TAF10: variants seen among roughly 807,000 people sequenced by gnomAD.
TAF10 encodes the protein transcription initiation factor TFIID subunit 10.
A neutral mutation model predicts 18.1 loss-of-function variants in TAF10; 2 were observed. The observed-to-expected ratio is 0.11, with a 90% confidence interval of 0.05 to 0.35. The LOEUF (loss-of-function observed/expected upper bound fraction) is 0.35. Among genes scored for constraint, TAF10 ranks in the 10% least tolerant of loss-of-function variants. The pLI, the probability that TAF10 is intolerant of heterozygous loss-of-function variation, is 1.00. For synonymous variants in TAF10, 158 were observed against 134.6 expected (o/e 1.17, Z -1.20); for missense variants, 293 against 306.9 (o/e 0.95, Z 0.34).
chr11:6,611,371 G>A lies in TAF10; in HGVS notation c.452+17C>T. ...CTGCACAAGCACCCAAAACTAACCTGCCCTGGGTTTACTCACATGCGTGGG... is the reference window on the plus strand; with the variant it reads ...CTGCACAAGCACCCAAAACTAACCTACCCTGGGTTTACTCACATGCGTGGG... On this transcript the variant is annotated intron_variant, in intron 3 of 4. Coordinates refer to ENST00000299424, the MANE Select transcript of TAF10 (RefSeq NM_006284.4). 1 of 1,614,146 alleles carries A rather than the reference G, an allele frequency of 6.2e-7. No individual in the cohort carries two copies. The highest frequency in any genetic ancestry group is 1.1e-5 in the South Asian group (1 of 91,082).
chr11:6,611,948 C>G lies in TAF10; in HGVS notation c.232+10G>C, dbSNP rs142033241. 82 of 1,573,984 alleles carry G rather than the reference C, an allele frequency of 5.2e-5. No homozygotes were observed. The East Asian group carries it at 1.9e-3, about 36-fold the overall frequency. On this transcript the variant is annotated intron_variant, in intron 1 of 4. Coordinates refer to ENST00000299424, the MANE Select transcript of TAF10 (RefSeq NM_006284.4). ...ACGCTTCCCTCGCCCTCACCCGTCC[C>G]GGCCCTCACCCGCCCCACGCCGCTC...
Position 6,610,224 on chromosome 11 carries a change from G to T in TAF10, c.*698C>A, listed in dbSNP as rs746227206. On this transcript the variant is annotated 3_prime_UTR_variant, in exon 5 of 5. Transcript: ENST00000299424. ...GTTTTGCAGTGCTTCTGTGGGAACT[G>T]GTGACACGGGAGGTACCCTTTGCTG... 6.2e-7 allele frequency: 1 copy of T among 1,614,212 alleles called. No homozygotes were observed. Among genetic ancestry groups the T allele is most frequent in the Non-Finnish European group, 8.5e-7 (1 of 1,180,032 alleles).
chr11:6,608,580 GTAC>G lies in TAF10; in HGVS notation c.*2339_*2341del. On this transcript the variant is annotated 3_prime_UTR_variant, in exon 5 of 5. Transcript: ENST00000299424. This position sits in a 1 kb window ranked among gnomAD's most constrained non-coding sequence, Gnocchi z 4.9. The stretch of plus-strand genomic sequence containing the variant: ...TTGGAACCCTCAACCCATTCTGTCA[GTAC>G]TACTGTGTGACACTTACAGGATTAA... The G allele has an allele frequency of 1.5e-6, 2 of 1,333,180 alleles. No individual in the cohort carries two copies. Among genetic ancestry groups the G allele is most frequent in the South Asian group, 1.2e-5 (1 of 85,398 alleles). The allele number at this position is 1,333,180 out of a possible 1,614,324, so 82.6% of individuals were successfully genotyped here.
Position 6,607,707 on chromosome 11 carries a change from T to G in TAF10, c.*3215A>C. ...ACAAGTGCTGAAGTAGGGGGACATA[T>G]AAGATGTGGTGGAAAACAGAAAGGA... On this transcript the variant is annotated 3_prime_UTR_variant, in exon 5 of 5. Transcript: ENST00000299424. 1 of 362,272 alleles carries G rather than the reference T, an allele frequency of 2.8e-6. No individual in the cohort carries two copies. The highest frequency in any genetic ancestry group is 5.3e-6 in the Non-Finnish European group (1 of 189,264). The allele number at this position is 362,272 out of a possible 1,614,324, so 22.4% of individuals were successfully genotyped here.
rs769692488 is a variant in TAF10, at chr11:6,608,866, G to C, written c.*2056C>G. ...CTTCTCCCTCTGTACCACAGCTTAG[G>C]TTGTTTTTCTTCCCTAGAGCGGGCA... is the stretch of plus-strand genomic sequence containing the variant. On this transcript the variant is annotated 3_prime_UTR_variant, in exon 5 of 5. Coordinates refer to ENST00000299424, the MANE Select transcript of TAF10 (RefSeq NM_006284.4). This position sits in a 1 kb window ranked among gnomAD's most constrained non-coding sequence, Gnocchi z 4.9. 2.5e-6 allele frequency: 4 copies of C among 1,613,878 alleles called. No individual in the cohort carries two copies. In the East Asian group the frequency reaches 8.9e-5, roughly 36 times the overall value.
chr11:6,609,229 T>G lies in TAF10; in HGVS notation c.*1693A>C. On this transcript the variant is annotated 3_prime_UTR_variant, in exon 5 of 5. Coordinates refer to ENST00000299424, the MANE Select transcript of TAF10 (RefSeq NM_006284.4). ...ACTTGCTTTGTACCTGTTTTAAGTTTTTCCTCCAGTTAGTGGGCAAGGAAG... is the reference window on the plus strand; with the variant it reads ...ACTTGCTTTGTACCTGTTTTAAGTTGTTCCTCCAGTTAGTGGGCAAGGAAG... 1 of 1,602,852 alleles carries G rather than the reference T, an allele frequency of 6.2e-7. No homozygotes were observed. Among genetic ancestry groups the G allele is most frequent in the Non-Finnish European group, 8.5e-7 (1 of 1,169,904 alleles).
At position 6,608,472 on chromosome 11, in the gene TAF10, C is replaced by G. The variant is rs1046377574; in HGVS notation, c.*2450G>C. ...CCTGCACTATGCCTGTTTTTGGGGC[C>G]AAGATCAAGTGGCAGAGGTGAGTAC... On this transcript the variant is annotated 3_prime_UTR_variant, in exon 5 of 5. Transcript: ENST00000299424. The surrounding 1 kb of genome is among the most constrained non-coding windows in gnomAD (Gnocchi z 4.9). 1 of 1,613,710 alleles carries G rather than the reference C, an allele frequency of 6.2e-7. No individual in the cohort carries two copies. Among genetic ancestry groups the G allele is most frequent in the Non-Finnish European group, 8.5e-7 (1 of 1,179,590 alleles).
Position 6,612,191 on chromosome 11 carries a change from G to C in TAF10, c.-2C>G, listed in dbSNP as rs191153660. ...CGCGCCGGAGCCGCTGCAGCTCATCGGGCCGGTGGGAGAGGCGGCGAACAG... is the reference window on the plus strand; with the variant it reads ...CGCGCCGGAGCCGCTGCAGCTCATCCGGCCGGTGGGAGAGGCGGCGAACAG... On this transcript the variant is annotated 5_prime_UTR_variant, in exon 1 of 5. Transcript: ENST00000299424. The C allele has an allele frequency of 2.4e-5, 30 of 1,229,726 alleles. No individual in the cohort carries two copies. The highest frequency in any genetic ancestry group is 3.3e-4 in the Middle Eastern group (1 of 3,072). The allele number at this position is 1,229,726 out of a possible 1,614,324, so 76.2% of individuals were successfully genotyped here. A position where few individuals can be genotyped will look rare whatever the true frequency, so the allele number is the denominator to read the frequency against.
chr11:6,612,104 G>A lies in TAF10; in HGVS notation c.86C>T (p.Ala29Val), dbSNP rs1855482089. Residue 29 changes from alanine (A) to valine (V), a missense_variant, in exon 1 of 5, where the codon GCT becomes GTT. Physicochemically the swap from Ala to Val is moderately conservative, Grantham distance 64 (BLOSUM62 0). Transcript: ENST00000299424. ...SAPGPAPPVS[A>V]PAALPSSTAA... is the part of the protein sequence containing the mutation. Reference sequence around the variant, plus strand: ...GGTGCTGGAGGGCAGCGCGGCGGGAGCCGAGACCGGGGGCGCGGGGCCCGG... The same window carrying A: ...GGTGCTGGAGGGCAGCGCGGCGGGAACCGAGACCGGGGGCGCGGGGCCCGG... 8.2e-7 allele frequency: 1 copy of A among 1,223,420 alleles called. No individual in the cohort carries two copies. Among genetic ancestry groups the A allele is most frequent in the Admixed American group, 4.3e-5 (1 of 23,084 alleles). The allele number at this position is 1,223,420 out of a possible 1,614,324, so 75.8% of individuals were successfully genotyped here.
Position 6,606,388 on chromosome 11 carries a change from C to T in TAF10, c.*4534G>A, listed in dbSNP as rs1013430253. The T allele has an allele frequency of 1.2e-4, 18 of 152,198 alleles. No homozygotes were observed. Among genetic ancestry groups the T allele is most frequent in the Admixed American group, 1.1e-3 (17 of 15,278 alleles). The allele number at this position is 152,198 out of a possible 1,614,324, so 9.4% of individuals were successfully genotyped here. A position where few individuals can be genotyped will look rare whatever the true frequency, so the allele number is the denominator to read the frequency against. On this transcript the variant is annotated 3_prime_UTR_variant, in exon 5 of 5. Transcript: ENST00000299424. ...ACCTGTCATCTTAGTCTAGACTTCACTGGTTCCCATTAGGTTCTACACTAT... is the reference window on the plus strand; with the variant it reads ...ACCTGTCATCTTAGTCTAGACTTCATTGGTTCCCATTAGGTTCTACACTAT...
rs764104201 is a variant in TAF10, at chr11:6,608,475, G to T, written c.*2447C>A. On this transcript the variant is annotated 3_prime_UTR_variant, in exon 5 of 5. Transcript: ENST00000299424. This position sits in a 1 kb window ranked among gnomAD's most constrained non-coding sequence, Gnocchi z 4.9. ...GCACTATGCCTGTTTTTGGGGCCAA[G>T]ATCAAGTGGCAGAGGTGAGTACTCA... The T allele has an allele frequency of 3.4e-5, 55 of 1,613,750 alleles. No individual in the cohort carries two copies. The highest frequency in any genetic ancestry group is 1.5e-4 in the Admixed American group (9 of 60,036).
chr11:6,609,908 C>G lies in TAF10; in HGVS notation c.*1014G>C. ...AGCCCTTTGCCTATCTATGACTTAC[C>G]TCCTTCTATCTGTTTTCTCTTCCTC... On this transcript the variant is annotated 3_prime_UTR_variant, in exon 5 of 5. Coordinates refer to ENST00000299424, the MANE Select transcript of TAF10 (RefSeq NM_006284.4). 1.2e-6 allele frequency: 2 copies of G among 1,614,174 alleles called. No homozygotes were observed. The highest frequency in any genetic ancestry group is 1.1e-5 in the South Asian group (1 of 91,084).
In TAF10 at chr11:6,611,309, G is replaced by A. The variant is rs1265187723; in HGVS notation, c.453-6C>T. On this transcript the variant is annotated splice_polypyrimidine_tract_variant and splice_region_variant and intron_variant, in intron 3 of 4. Coordinates refer to ENST00000299424, the MANE Select transcript of TAF10 (RefSeq NM_006284.4). ...CTAAGGAGATGAGCCGAATTCTAGA[G>A]AGAAAAAACTTAGATGAGAAGGAGA... 1 of 1,614,074 alleles carries A rather than the reference G, an allele frequency of 6.2e-7. No homozygotes were observed.
chr11:6,610,108 C>A lies in TAF10; in HGVS notation c.*814G>T. On this transcript the variant is annotated 3_prime_UTR_variant, in exon 5 of 5. Coordinates refer to ENST00000299424, the MANE Select transcript of TAF10 (RefSeq NM_006284.4). ...GTAGTGGAAGGGGGCAGAGACAGGACAGGCAAGGGGGCCAGAACAGACAAG... is the reference window on the plus strand; with the variant it reads ...GTAGTGGAAGGGGGCAGAGACAGGAAAGGCAAGGGGGCCAGAACAGACAAG... 1 of 1,614,042 alleles carries A rather than the reference C, an allele frequency of 6.2e-7. No homozygotes were observed. The highest frequency in any genetic ancestry group is 8.5e-7 in the Non-Finnish European group (1 of 1,179,956).
chr11:6,609,917 T>C lies in TAF10; in HGVS notation c.*1005A>G, dbSNP rs1855329468. The stretch of plus-strand genomic sequence containing the variant: ...CCTATCTATGACTTACCTCCTTCTA[T>C]CTGTTTTCTCTTCCTCAGATTGATG... On this transcript the variant is annotated 3_prime_UTR_variant, in exon 5 of 5. Transcript: ENST00000299424. 6.2e-7 allele frequency: 1 copy of C among 1,614,022 alleles called. No individual in the cohort carries two copies. Among genetic ancestry groups the C allele is most frequent in the Admixed American group, 1.7e-5 (1 of 60,014 alleles).
Position 6,610,511 on chromosome 11 carries a change from A to G in TAF10, c.*411T>C, listed in dbSNP as rs1300196118. 6.2e-7 allele frequency: 1 copy of G among 1,614,140 alleles called. No individual in the cohort carries two copies. Among genetic ancestry groups the G allele is most frequent in the East Asian group, 2.2e-5 (1 of 44,878 alleles). Reference sequence around the variant, plus strand: ...ACCATCCCACCAGGTATTTCCCCTCATGTGTGTAAGCTCATGAAGATCTGC... The same window carrying G: ...ACCATCCCACCAGGTATTTCCCCTCGTGTGTGTAAGCTCATGAAGATCTGC... On this transcript the variant is annotated 3_prime_UTR_variant, in exon 5 of 5. Coordinates refer to ENST00000299424, the MANE Select transcript of TAF10 (RefSeq NM_006284.4).
rs1183401585 is a variant in TAF10, at chr11:6,612,155, G to A, written c.35C>T (p.Ala12Val). 9 of 1,189,040 alleles carry A rather than the reference G, an allele frequency of 7.6e-6. No individual in the cohort carries two copies. Among genetic ancestry groups the A allele is most frequent in the African/African-American group, 1.6e-5 (1 of 62,290 alleles). The allele number at this position is 1,189,040 out of a possible 1,614,324, so 73.7% of individuals were successfully genotyped here. Residue 12 changes from alanine (A) to valine (V), a missense_variant, in exon 1 of 5, where the codon GCG becomes GTG. Ala to Val is a moderately conservative substitution (Grantham distance 64, BLOSUM62 0). Coordinates refer to ENST00000299424, the MANE Select transcript of TAF10 (RefSeq NM_006284.4). ...GGCCGAGGCGGCGGAGGCCGGCGCC[G>A]CCTCGGGGTCCGCGCCGGAGCCGCT... ...SCSGSGADPEAAPASAASAPG... is the reference protein window; with the variant it reads ...SCSGSGADPEVAPASAASAPG...
rs151106636 is a variant in TAF10 at position 6,610,672 on chromosome 11, C to T, written c.*250G>A. On this transcript the variant is annotated 3_prime_UTR_variant, in exon 5 of 5. Coordinates refer to ENST00000299424, the MANE Select transcript of TAF10 (RefSeq NM_006284.4). Reference sequence around the variant, plus strand: ...GGGACATGGTTGGGGGAATGCACCTCCCCAAAGCAGCAGGCCTCTGGTTGC... The same window carrying T: ...GGGACATGGTTGGGGGAATGCACCTTCCCAAAGCAGCAGGCCTCTGGTTGC... 1.3e-3 allele frequency: 2,016 copies of T among 1,601,806 alleles called. 15 individuals are homozygous for T. The African/African-American group carries it at 0.022, about 18-fold the overall frequency.
intron 4 of TAF10, 69 bp from the exon 5 acceptor site, chr11:6,611,080 T>C (rs1489911839): frequency 6.3e-7 from 1 of 1,594,996 alleles, no homozygotes; most frequent in Non-Finnish European, 8.6e-7. Flanking sequence ...TGGGTGACCC[T>C]GAGTAAGTCT....
Sources: allele counts gnomAD v4.1 joint callset, GRCh38; gene constraint gnomAD v4.1.1; non-coding constraint Gnocchi (gnomAD v3.1); transcripts MANE v1.5; gene names NCBI Gene and HGNC (gene_info 2026-07-23, HGNC 2026-07-21).